Variants in MECOM observed in about 807,000 individuals in gnomAD.
MECOM encodes histone-lysine N-methyltransferase MECOM.
MECOM carries 13 observed loss-of-function variants against 116.3 expected under a neutral mutation model. The ratio of observed to expected loss-of-function variants is 0.11; its 90% CI spans 0.07 to 0.18. The LOEUF is 0.18. MECOM is among the 10% of genes least tolerant of loss of function. MECOM has a pLI of 1.00. For synonymous variants in MECOM, 528 were observed against 535.2 expected (o/e 0.99, Z 0.19); for missense variants, 1,299 against 1,509.0 (o/e 0.86, Z 2.31).
chr3:169,360,287 T>TAATAAA (rs1728002718), intron 2 of MECOM, among the ~76,000 whole-genome samples: 1 of 6,324 alleles, frequency 1.6e-4, no homozygotes, highest in Non-Finnish European at 3.1e-4. Context: ...ACTTAAAGTA[T>TAATAAA]AATAAAAAAA....
intron 1 of MECOM, among the ~76,000 whole-genome samples, chr3:169,627,857 A>G (rs559901033): frequency 3.8e-4 from 58 of 152,348 alleles, no homozygotes; most frequent in African/African-American, 1.3e-3. Flanking sequence ...GAGGACAAGA[A>G]TTAATTTACA....
intron 2 of MECOM, among the ~76,000 whole-genome samples, chr3:169,196,552 A>G (rs1748432337): frequency 6.6e-6 from 1 of 152,110 alleles, no homozygotes; most frequent in African/African-American, 2.4e-5. Context: ...AAGTTTATTA[A>G]CAAGCATCCT....
intron 2 of MECOM, among the ~76,000 whole-genome samples, chr3:169,223,639 C>T (rs950030739): frequency 1.3e-5 from 2 of 152,024 alleles, no homozygotes; most frequent in Non-Finnish European, 2.9e-5. Context: ...AATAATGTGA[C>T]AAATGGTATA....
At chr3:169,425,488 G>T (rs1265433693) in intron 1 of MECOM, among the ~76,000 whole-genome samples, 1 of 152,114 alleles carries the variant, frequency 6.6e-6, no homozygotes, top group African/African-American at 2.4e-5. Context: ...GCAAGAAAAT[G>T]TATCTAATAA....
chr3:169,493,091 C>T (rs1021524254), intron 1 of MECOM, among the ~76,000 whole-genome samples: 3 of 152,148 alleles, frequency 2.0e-5, no homozygotes, highest in Non-Finnish European at 4.4e-5. Flanking sequence ...GAAACTTTAG[C>T]TAATATGTCT....
At chr3:169,614,547 G>A (rs996036318) in intron 1 of MECOM, among the ~76,000 whole-genome samples, 6 of 151,956 alleles carry the variant, frequency 3.9e-5, no homozygotes, top group South Asian at 2.1e-4. Flanking sequence ...AATCTGGCCC[G>A]GATTCCTTTT....
At chr3:169,327,639 CAAAAAA>C (rs771134017) in intron 2 of MECOM, among the ~76,000 whole-genome samples, 1 of 69,548 alleles carries the variant, frequency 1.4e-5, no homozygotes. Flanking sequence ...GACTGTGTCT[CAAAAAA>C]AAAAAAAAAA....
intron 2 of MECOM, among the ~76,000 whole-genome samples, chr3:169,294,871 A>G (rs923616692): frequency 1.3e-5 from 2 of 152,000 alleles, no homozygotes; most frequent in African/African-American, 4.8e-5. Flanking sequence ...GCTTATATTC[A>G]TGCTCTTGCC....
chr3:169,272,185 A>G (rs1759030198), intron 2 of MECOM, among the ~76,000 whole-genome samples: 1 of 152,156 alleles, frequency 6.6e-6, no homozygotes, highest in African/African-American at 2.4e-5. Flanking sequence ...GTGAATTCAC[A>G]CTGTTAAACG....
rs1350709393 is a variant in MECOM, at chr3:169,439,539, G to A, written c.38-58015C>T. On this transcript the variant is annotated intron_variant, in intron 1 of 16. Transcript: ENST00000651503. ...ACATGTGAAATCAAATGCAAATTAA[G>A]GCTGTAATGAGATAGTATTTTACAT... 2.0e-5 allele frequency among the ~76,000 whole-genome samples: 3 copies of A among 151,970 alleles called. No homozygotes were observed. The East Asian group carries it at 5.8e-4, about 29-fold the overall frequency.
intron 1 of MECOM, among the ~76,000 whole-genome samples, chr3:169,554,228 C>A (rs1322127288): frequency 6.6e-6 from 1 of 152,132 alleles, no homozygotes; most frequent in Non-Finnish European, 1.5e-5. Context: ...GCCTGGGTCC[C>A]TGAAAATAGT....
At position 169,381,293 on chromosome 3, in the gene MECOM, G is replaced by A. The variant is rs878869476; in HGVS notation, c.269C>T (p.Ala90Val). ...FELRESNMPG[A>V]GLGIWTKRKI... ...CCTTTTGGTCCATATTCCTAGTCCT[G>A]CCCCAGGCATATTTGACTCTCGAAG... is the stretch of plus-strand genomic sequence containing the variant. Residue 90 changes from alanine (A) to valine (V), a missense_variant, in exon 2 of 17, where the codon GCA (alanine) becomes GTA (valine). Ala to Val is a moderately conservative substitution (Grantham distance 64). Coordinates refer to ENST00000651503, the MANE Select transcript of MECOM (RefSeq NM_004991.4). 6.2e-7 allele frequency: 1 copy of A among 1,613,822 alleles called. No homozygotes were observed. The highest frequency in any genetic ancestry group is 1.1e-5 in the South Asian group (1 of 91,070).
At chr3:169,374,107 G>T (rs1730614681) in intron 2 of MECOM, among the ~76,000 whole-genome samples, 1 of 151,600 alleles carries the variant, frequency 6.6e-6, no homozygotes, top group African/African-American at 2.4e-5. Flanking sequence ...TATTAATAAG[G>T]AGAGAGAGCA....
intron 1 of MECOM, among the ~76,000 whole-genome samples, chr3:169,462,936 G>C (rs1396200581): frequency 3.3e-5 from 5 of 151,970 alleles, no homozygotes; most frequent in African/African-American, 1.2e-4. Context: ...AAACATAAAG[G>C]CTAATTTTTA....
At chr3:169,477,487 A>G (rs368595828) in intron 1 of MECOM, among the ~76,000 whole-genome samples, 1 of 152,038 alleles carries the variant, frequency 6.6e-6, no homozygotes, top group African/African-American at 2.4e-5. Context: ...AGGCTGCAGG[A>G]TTTTTATGTG....
intron 1 of MECOM, among the ~76,000 whole-genome samples, chr3:169,388,432 G>A (rs1019115501): frequency 2.6e-5 from 4 of 152,138 alleles, no homozygotes; most frequent in African/African-American, 9.7e-5. Context: ...AACAAAGAAG[G>A]AGGCTATGAA....
At chr3:169,509,875 G>C (rs971941782) in intron 1 of MECOM, among the ~76,000 whole-genome samples, 2 of 152,180 alleles carry the variant, frequency 1.3e-5, no homozygotes, top group African/African-American at 4.8e-5. Flanking sequence ...TGCGATTCAG[G>C]AAGAGTCCAA....
intron 2 of MECOM, chr3:169,149,638 A>G (rs770131350): frequency 8.1e-6 from 4 of 494,384 alleles, no homozygotes; most frequent in African/African-American, 2.0e-5. Flanking sequence ...AGGAAGGCAC[A>G]CTGCAGTCCA....
chr3:169,466,417 TG>T, intron 1 of MECOM, among the ~76,000 whole-genome samples: 1 of 152,298 alleles, frequency 6.6e-6, no homozygotes, highest in South Asian at 2.1e-4. Context: ...AATGAAAGAC[TG>T]GTTCACTGGA....
Sources: gnomAD v4.1 joint callset for allele counts (sites outside exome capture counted in the v4.1 genomes callset) on GRCh38, gnomAD v4.1.1 for gene constraint, MANE v1.5 for transcripts, NCBI Gene and HGNC (gene_info 2026-07-23, HGNC 2026-07-21) for gene names.